Variants in ACOT7 observed in about 807,000 individuals in gnomAD.
The protein encoded by ACOT7 is cytosolic acyl coenzyme A thioester hydrolase.
In ACOT7, 12 loss-of-function variants were observed where a neutral mutation model predicts 40.2. The ratio of observed to expected loss-of-function variants is 0.30; its 90% CI spans 0.19 to 0.48. The LOEUF (loss-of-function observed/expected upper bound fraction) is 0.48, where lower values mean the gene tolerates loss of function less well. Among genes scored for constraint, ACOT7 ranks in the 20% least tolerant of loss-of-function variants. The probability of loss-of-function intolerance (pLI) is 0.99; values close to 1 mark genes in which losing one functional copy is unlikely to be tolerated. For synonymous variants in ACOT7, 228 were observed against 219.5 expected, an observed-to-expected ratio of 1.04 and a Z score of -0.34; for missense variants, 395 against 530.8, an observed-to-expected ratio of 0.74 and a Z score of 2.51.
At chr1:6,327,981 C>T (rs1389038173) in intron 4 of ACOT7, among the ~76,000 whole-genome samples, 1 of 152,004 alleles carries the variant, frequency 6.6e-6, no homozygotes, top group African/African-American at 2.4e-5. Context: ...ACGATGTTGG[C>T]CAGGCTCATC....
At chr1:6,305,488 C>A (rs1286719875) in intron 6 of ACOT7, among the ~76,000 whole-genome samples, 1 of 150,902 alleles carries the variant, frequency 6.6e-6, no homozygotes, top group African/African-American at 2.4e-5. Context: ...GGCTGCCGGG[C>A]GGAGGGGCTT....
At chr1:6,331,055 C>A (rs897275808) in intron 4 of ACOT7, among the ~76,000 whole-genome samples, 7 of 152,336 alleles carry the variant, frequency 4.6e-5, no homozygotes, top group Non-Finnish European at 8.8e-5. Context: ...CCCCATCTGA[C>A]CCCTGCTCCT....
rs1164483093 is a variant in ACOT7, at chr1:6,330,353, A to G, written c.511-2940T>C. 6.6e-6 allele frequency among the ~76,000 whole-genome samples: 1 copy of G among 152,182 alleles called. No homozygotes were observed. Among genetic ancestry groups the G allele is most frequent in the African/African-American group, 2.4e-5 (1 of 41,458 alleles). On this transcript the variant is annotated intron_variant, in intron 4 of 8. Coordinates refer to ENST00000361521, the MANE Select transcript of ACOT7 (RefSeq NM_007274.4). This position sits in a 1 kb window ranked among gnomAD's most constrained non-coding sequence, Gnocchi z 4.6. ...AAGCAGGCCTCTGGCCGGGCCCACC[A>G]GTGAAAAACAGGAGACCTAGATTCC...
At chr1:6,317,532 T>C (rs1177691323) in intron 6 of ACOT7, among the ~76,000 whole-genome samples, 1 of 152,134 alleles carries the variant, frequency 6.6e-6, no homozygotes, top group East Asian at 1.9e-4. Context: ...AAAAACATTA[T>C]TAACGAGTCA....
intron 2 of ACOT7, among the ~76,000 whole-genome samples, chr1:6,339,909 T>G (rs1435871301): frequency 6.8e-6 from 1 of 146,564 alleles, no homozygotes; most frequent in East Asian, 2.0e-4. Flanking sequence ...CAGCGGGCCT[T>G]CCGAGTAGCT....
intron 8 of ACOT7, 139 bp downstream of exon 8, chr1:6,280,963 T>C (rs943696915): frequency 9.1e-6 from 11 of 1,214,356 alleles, no homozygotes; most frequent in Non-Finnish European, 1.1e-5. Context: ...GTCACGGCAG[T>C]GGCCAGGCCC....
intron 6 of ACOT7, among the ~76,000 whole-genome samples, chr1:6,316,346 C>T (rs536283290): frequency 6.6e-6 from 1 of 152,322 alleles, no homozygotes; most frequent in South Asian, 2.1e-4. Context: ...GGCAGCAAGA[C>T]ACTCAGATTG....
intron 6 of ACOT7, 71 bp downstream of exon 6, chr1:6,318,421 A>G: frequency 1.3e-6 from 2 of 1,506,374 alleles, no homozygotes; most frequent in South Asian, 2.3e-5. Context: ...GTCAGACAGC[A>G]GCACGGCTGC....
rs560622712 is a variant in ACOT7, at chr1:6,331,543, AC to A, written c.510+1933del. 4.1e-3 allele frequency among the ~76,000 whole-genome samples: 621 copies of A among 152,278 alleles called. 4 individuals carry two copies. Among genetic ancestry groups the A allele is most frequent in the African/African-American group, 0.015 (609 of 41,558 alleles). ...AATCAACTTCTATTGTTTGAGAGCT[AC>A]CCAGTCAGTGGCACTTTGTCACAGC... is the stretch of plus-strand genomic sequence containing the variant. On this transcript the variant is annotated intron_variant, in intron 4 of 8. Transcript: ENST00000361521.
At chr1:6,384,855 G>A (rs1207044255) in intron 1 of ACOT7, among the ~76,000 whole-genome samples, 1 of 151,866 alleles carries the variant, frequency 6.6e-6, no homozygotes, top group Non-Finnish European at 1.5e-5. Flanking sequence ...TGGAGGTCAT[G>A]ATCCCACAGC....
chr1:6,293,169 G>A (rs542722765), intron 7 of ACOT7, among the ~76,000 whole-genome samples: 59 of 152,258 alleles, frequency 3.9e-4, no homozygotes, highest in Admixed American at 1.3e-3. Flanking sequence ...CATTACAGGC[G>A]TGAGCCACAG....
chr1:6,385,820 C>T, intron 1 of ACOT7: 1 of 1,410,634 alleles, frequency 7.1e-7, no homozygotes, highest in Non-Finnish European at 9.2e-7. Flanking sequence ...ACCGCCCCTC[C>T]CCCACCAGCC....
intron 1 of ACOT7, among the ~76,000 whole-genome samples, chr1:6,384,368 A>T (rs190497340): frequency 1.3e-5 from 2 of 151,914 alleles, no homozygotes; most frequent in Non-Finnish European, 2.9e-5. Flanking sequence ...ACAAGTGCTG[A>T]CAAGGATATG....
rs575349016 is a variant in ACOT7 at position 6,318,857 on chromosome 1, G to C, written c.626-279C>G. 5.3e-5 allele frequency among the ~76,000 whole-genome samples: 8 copies of C among 152,318 alleles called. No homozygotes were observed. The East Asian group carries it at 1.5e-3, about 29-fold the overall frequency. ...CAAGGCCCTGCCCAGGGGTAGCCAT[G>C]AAACACCTCAAAGCTGTGAGTCCCG... On this transcript the variant is annotated intron_variant, in intron 5 of 8. Coordinates refer to ENST00000361521, the MANE Select transcript of ACOT7 (RefSeq NM_007274.4).
intron 3 of ACOT7, among the ~76,000 whole-genome samples, chr1:6,336,312 C>T (rs1417480962): frequency 2.4e-5 from 3 of 122,906 alleles, no homozygotes; most frequent in South Asian, 2.5e-4. Context: ...CTAGCCTGCA[C>T]GACAGAGCAA....
intron 7 of ACOT7, among the ~76,000 whole-genome samples, chr1:6,292,178 C>A (rs527498929): frequency 1.3e-5 from 2 of 152,346 alleles, no homozygotes; most frequent in East Asian, 3.9e-4. Context: ...GGTCCAAATT[C>A]CTCTATACAC....
intron 8 of ACOT7, among the ~76,000 whole-genome samples, chr1:6,268,712 A>G (rs1638927896): frequency 1.3e-5 from 2 of 152,220 alleles, no homozygotes; most frequent in Non-Finnish European, 2.9e-5. Flanking sequence ...TCCGCCCAAG[A>G]GCGAGAAAAC....
chr1:6,316,074 G>A (rs894590132), intron 6 of ACOT7, among the ~76,000 whole-genome samples: 1 of 152,164 alleles, frequency 6.6e-6, no homozygotes, highest in African/African-American at 2.4e-5. Flanking sequence ...CAGCGACGAC[G>A]GAAATGCCCC....
At position 6,274,968 on chromosome 1, in the gene ACOT7, G is replaced by A. The variant is rs527835436; in HGVS notation, c.1014+6134C>T. On this transcript the variant is annotated intron_variant, in intron 8 of 8. Coordinates refer to ENST00000361521, the MANE Select transcript of ACOT7 (RefSeq NM_007274.4). This position sits in a 1 kb window ranked among gnomAD's most constrained non-coding sequence, Gnocchi z 5.9. Reference sequence around the variant, plus strand: ...AGTGGCATCGATGACAGCAGTGAGCGGCCCCCTTTCCCAGTCAGTGAAGTC... The same window carrying A: ...AGTGGCATCGATGACAGCAGTGAGCAGCCCCCTTTCCCAGTCAGTGAAGTC... Among the ~76,000 whole-genome samples, 4 of 152,342 alleles carry A rather than the reference G, an allele frequency of 2.6e-5. No homozygotes were observed. Among genetic ancestry groups the A allele is most frequent in the South Asian group, 4.1e-4 (2 of 4,834 alleles).
Sources: gnomAD v4.1 joint callset for allele counts (sites outside exome capture counted in the v4.1 genomes callset) on GRCh38, gnomAD v4.1.1 for gene constraint, Gnocchi (gnomAD v3.1) non-coding constraint, MANE v1.5 for transcripts, NCBI Gene and HGNC (gene_info 2026-07-23, HGNC 2026-07-21) for gene names.